The following GATA4 variants were observed in gnomAD, a reference collection of about 807,000 sequenced individuals.
GATA4 encodes the protein transcription factor GATA-4.
GATA4 carries 7 observed loss-of-function variants against 37.9 expected under a neutral mutation model. The observed-to-expected ratio is 0.18, with a 90% confidence interval of 0.11 to 0.35. The LOEUF (loss-of-function observed/expected upper bound fraction) is 0.35. Ranked by LOEUF, GATA4 falls within the 10% of genes least tolerant of loss-of-function variation. GATA4 has a pLI of 1.00. For missense variants in GATA4, 647 were observed against 653.0 expected (o/e 0.99, Z 0.10); for synonymous variants, 372 against 292.6 (o/e 1.27, Z -2.77).
At chr8:11,721,847 G>A (rs1458896691) in intron 2 of GATA4, among the ~76,000 whole-genome samples, 1 of 152,192 alleles carries the variant, frequency 6.6e-6, no homozygotes, top group Non-Finnish European at 1.5e-5. Context: ...TATGATGCAA[G>A]GATGGATTGC....
chr8:11,727,477 T>G (rs761081213), intron 2 of GATA4, among the ~76,000 whole-genome samples: 1 of 152,160 alleles, frequency 6.6e-6, no homozygotes, highest in Non-Finnish European at 1.5e-5. Context: ...AACTTTTTAT[T>G]TGACAGTTGA....
At chr8:11,736,219 T>C (rs1201187338) in intron 2 of GATA4, among the ~76,000 whole-genome samples, 3 of 152,210 alleles carry the variant, frequency 2.0e-5, no homozygotes, top group African/African-American at 4.8e-5. Flanking sequence ...TGAATTTTTG[T>C]AGCAATTAAA....
rs1802235928 is a variant in GATA4 at position 11,750,244 on chromosome 8, G to C, written c.912+8G>C. 1 of 1,611,948 alleles carries C rather than the reference G, an allele frequency of 6.2e-7. No individual in the cohort carries two copies. The highest frequency in any genetic ancestry group is 1.1e-5 in the South Asian group (1 of 91,094). On this transcript the variant is annotated splice_region_variant and intron_variant, in intron 4 of 6. Transcript: ENST00000532059. ...TACATGAAGCTCCACGGGGTACGTGGGTCCTGCGCCCATGCGGCATCCTTG... is the reference window on the plus strand; with the variant it reads ...TACATGAAGCTCCACGGGGTACGTGCGTCCTGCGCCCATGCGGCATCCTTG...
chr8:11,715,401 A>T (rs1160412616), intron 2 of GATA4, among the ~76,000 whole-genome samples: 1 of 152,242 alleles, frequency 6.6e-6, no homozygotes, highest in Non-Finnish European at 1.5e-5. Context: ...CCATTTAATA[A>T]CAAGAAAATA....
chr8:11,706,061 T>C (rs978398517), intron 1 of GATA4: 23 of 152,220 alleles, frequency 1.5e-4, no homozygotes, highest in African/African-American at 5.5e-4. Context: ...TAACTTTATT[T>C]TCAAAGGGAA....
intron 4 of GATA4, among the ~76,000 whole-genome samples, chr8:11,750,791 AAAAAAT>A (rs1802267293): frequency 6.7e-6 from 1 of 148,512 alleles, no homozygotes; most frequent in Non-Finnish European, 1.5e-5. Context: ...AAAAAAAAAA[AAAAAAT>A]CTAGCTGGGC....
In GATA4 at chr8:11,709,688, G is replaced by T. The variant is rs1024851190; in HGVS notation, c.616+760G>T. The stretch of plus-strand genomic sequence containing the variant: ...CTTTGCAGTCGCTTGCACGCGTGGA[G>T]CCTCCTCTTCTCGCGTGGGCCAGGG... On this transcript the variant is annotated intron_variant, in intron 2 of 6. Transcript: ENST00000532059. This position sits in a 1 kb window ranked among gnomAD's most constrained non-coding sequence, Gnocchi z 4.3. Among the ~76,000 whole-genome samples, 6 of 152,176 alleles carry T rather than the reference G, an allele frequency of 3.9e-5. No homozygotes were observed. Among genetic ancestry groups the T allele is most frequent in the Non-Finnish European group, 7.3e-5 (5 of 68,034 alleles).
At chr8:11,755,545 AGATT>A (rs1211714772) in intron 5 of GATA4, among the ~76,000 whole-genome samples, 2 of 152,216 alleles carry the variant, frequency 1.3e-5, no homozygotes, top group Non-Finnish European at 2.9e-5. Context: ...TGTCCCTAAC[AGATT>A]GATCTCTAAG....
chr8:11,695,602 C>G (rs1799486033), intron 1 of GATA4, among the ~76,000 whole-genome samples: 1 of 152,196 alleles, frequency 6.6e-6, no homozygotes, highest in Non-Finnish European at 1.5e-5. Context: ...AGGGGAACAC[C>G]TGGACCAAAC....
chr8:11,726,098 G>T (rs1405439616), intron 2 of GATA4, among the ~76,000 whole-genome samples: 1 of 152,240 alleles, frequency 6.6e-6, no homozygotes, highest in Non-Finnish European at 1.5e-5. Flanking sequence ...GGTACATACA[G>T]GACACATGCA....
chr8:11,708,776 C>G lies in GATA4; in HGVS notation c.464C>G (p.Ala155Gly). 10 of 1,436,898 alleles carry G rather than the reference C, an allele frequency of 7.0e-6. No homozygotes were observed. The highest frequency in any genetic ancestry group is 9.1e-6 in the Non-Finnish European group (10 of 1,100,472). 89.0% of individuals were successfully genotyped at this position (1,436,898 alleles called of 1,614,324 possible). The change falls in exon 2 of 7, where the codon GCG becomes GGG. Residue 155 changes from alanine to glycine, a missense_variant. By Grantham distance (60) the Ala-to-Gly change is moderately conservative (BLOSUM62 0). Transcript: ENST00000532059. This position sits in a 1 kb window ranked among gnomAD's most constrained non-coding sequence, Gnocchi z 6.7. ...GREQYGRAGF[A>G]GSYSSPYPAY... Reference sequence around the variant, plus strand: ...GAGCAGTACGGGCGCGCCGGCTTCGCGGGCTCCTACTCCAGCCCCTACCCG... The same window carrying G: ...GAGCAGTACGGGCGCGCCGGCTTCGGGGGCTCCTACTCCAGCCCCTACCCG...
At chr8:11,697,093 A>T (rs1799530104) in intron 1 of GATA4, among the ~76,000 whole-genome samples, 1 of 152,204 alleles carries the variant, frequency 6.6e-6, no homozygotes, top group African/African-American at 2.4e-5. Flanking sequence ...CTAGGTGCGG[A>T]GGGCTCCATT....
At chr8:11,702,829 CTGTT>C (rs533229610), upstream of GATA4, among the ~76,000 whole-genome samples, 6 of 152,316 alleles carry the variant, frequency 3.9e-5, no homozygotes, top group South Asian at 8.3e-4. This position sits in a 1 kb window ranked among gnomAD's most constrained non-coding sequence, Gnocchi z 4.4. Flanking sequence ...TTCCTTTCCT[CTGTT>C]TGCGCCCCAG....
intron 1 of GATA4, among the ~76,000 whole-genome samples, chr8:11,685,435 A>G (rs1159619919): frequency 6.6e-6 from 1 of 152,242 alleles, no homozygotes; most frequent in Non-Finnish European, 1.5e-5. Flanking sequence ...GAGAGAGGTG[A>G]GGAAGATTGG....
intron 1 of GATA4, chr8:11,697,978 A>T (rs928301849): frequency 4.8e-5 from 47 of 985,300 alleles, no homozygotes; most frequent in Non-Finnish European, 5.4e-5. Context: ...GGGTGTCCCT[A>T]CCATAACCAC....
Position 11,693,560 on chromosome 8 carries a change from CACAGAGAGAG to C in GATA4, c.-729+902_-729+911del, listed in dbSNP as rs1298684874. Among the ~76,000 whole-genome samples the C allele has an allele frequency of 4.8e-3, 334 of 68,900 alleles. 2 individuals are homozygous for C. The highest frequency in any genetic ancestry group is 7.2e-3 in the African/African-American group (145 of 20,094). The allele number at this position is 68,900 out of a possible 152,430, so 45.2% of individuals were successfully genotyped here. ...ACACACACACACACACACACACACACACAGAGAGAGAGAGAGAGAGAGAGAGAGAGAGAGA... is the reference window on the plus strand; with the variant it reads ...ACACACACACACACACACACACACACAGAGAGAGAGAGAGAGAGAGAGAGA... On this transcript the variant is annotated intron_variant, in intron 1 of 2. Transcript: ENST00000526974.
intron 3 of GATA4, 52 bp from the exon 4 acceptor site, chr8:11,750,059 G>C (rs942236609): frequency 3.1e-6 from 5 of 1,613,206 alleles, no homozygotes; most frequent in Non-Finnish European, 4.2e-6. Context: ...GAGGTGGAAG[G>C]GCAGTGCACA....
At chr8:11,739,806 G>A (rs972519139) in intron 2 of GATA4, among the ~76,000 whole-genome samples, 2 of 151,266 alleles carry the variant, frequency 1.3e-5, no homozygotes, top group African/African-American at 2.4e-5. Context: ...AGGACTGGGA[G>A]CTCAGATGAG....
intron 2 of GATA4, among the ~76,000 whole-genome samples, chr8:11,736,368 T>C (rs1585655840): frequency 1.3e-5 from 2 of 152,332 alleles, no homozygotes; most frequent in South Asian, 4.1e-4. Context: ...TTTTGAGTTG[T>C]GGAGACCAGA....
Sources: allele counts gnomAD v4.1 joint callset (sites outside exome capture counted in the v4.1 genomes callset), GRCh38; gene constraint gnomAD v4.1.1; non-coding constraint Gnocchi (gnomAD v3.1); transcripts MANE v1.5; gene names NCBI Gene and HGNC (gene_info 2026-07-23, HGNC 2026-07-21).